DEAF1: variants seen among roughly 807,000 people sequenced by gnomAD.
DEAF1 encodes deformed epidermal autoregulatory factor 1 homolog.
DEAF1 carries 53 observed loss-of-function variants against 58.9 expected under a neutral mutation model. That is an observed-to-expected ratio of 0.90 (90% CI 0.72 to 1.13). The LOEUF (loss-of-function observed/expected upper bound fraction) is 1.13. DEAF1 is among the 50% of genes most tolerant of loss of function. The pLI is 0.00. For synonymous variants in DEAF1, 385 were observed against 340.4 expected, an observed-to-expected ratio of 1.13 and a Z score of -1.44; for missense variants, 685 against 791.4, an observed-to-expected ratio of 0.87 and a Z score of 1.61.
intron 6 of DEAF1, among the ~76,000 whole-genome samples, chr11:682,624 G>GC (rs767217539): frequency 5.3e-5 from 8 of 152,206 alleles, no homozygotes; most frequent in Non-Finnish European, 8.8e-5. Context: ...CAGGAACAGT[G>GC]CCTGAGTCTA....
At chr11:656,424 C>T (rs928325654) in intron 10 of DEAF1, among the ~76,000 whole-genome samples, 1 of 152,246 alleles carries the variant, frequency 6.6e-6, no homozygotes, top group African/African-American at 2.4e-5. Flanking sequence ...TCCCAAAATG[C>T]TGGGATTACA....
At chr11:700,006 G>A (rs1861371161), upstream of DEAF1, 3 of 661,042 alleles carry the variant, frequency 4.5e-6, no homozygotes, top group Non-Finnish European at 8.0e-6. Context: ...GATAGGCAGT[G>A]AGCCATTGCC....
chr11:705,290 TCAC>T (rs1861664325), intron 1 of DEAF1: 1 of 158,284 alleles, frequency 6.3e-6, no homozygotes, highest in Admixed American at 6.0e-5. Context: ...CTGTGCCCCT[TCAC>T]CTCGTCCTCG....
At chr11:683,194 A>G (rs1015705425) in intron 6 of DEAF1, among the ~76,000 whole-genome samples, 4 of 152,222 alleles carry the variant, frequency 2.6e-5, no homozygotes, top group Non-Finnish European at 5.9e-5. Context: ...CCACTCCCCA[A>G]GCGGAAGCCA....
intron 10 of DEAF1, among the ~76,000 whole-genome samples, chr11:663,173 A>G (rs1859387951): frequency 6.6e-6 from 1 of 152,202 alleles, no homozygotes; most frequent in South Asian, 2.1e-4. Context: ...CTAGTTGAGC[A>G]TGGTGGCTTA....
upstream of DEAF1, chr11:695,452 A>T: frequency 1.9e-6 from 1 of 517,678 alleles, no homozygotes; most frequent in Non-Finnish European, 3.0e-6. Context: ...CCCGGCCGAC[A>T]GGGCTGGACG....
intron 11 of DEAF1, among the ~76,000 whole-genome samples, chr11:649,639 A>G (rs7484077): frequency 0.31 from 46,690 of 150,878 alleles, 8,657 homozygotes; most frequent in African/African-American, 0.53. Context: ...AGAATCCCTT[A>G]AACCCAGGAG....
At chr11:671,840 AAAAAAAAAAG>A (rs1237622943) in intron 10 of DEAF1, among the ~76,000 whole-genome samples, 2 of 132,900 alleles carry the variant, frequency 1.5e-5, no homozygotes, top group African/African-American at 2.8e-5. Flanking sequence ...AAAAAAAAAA[AAAAAAAAAAG>A]AAACACAAAA....
In DEAF1 at chr11:644,748, C is replaced by G. The variant is rs79177795; in HGVS notation, c.1594-94G>C. On this transcript the variant is annotated intron_variant, in intron 11 of 11. Coordinates refer to ENST00000382409, the MANE Select transcript of DEAF1 (RefSeq NM_021008.4). The surrounding 1 kb of genome is among the most constrained non-coding windows in gnomAD (Gnocchi z 4.3). ...GGCAGACCCCAGAGGGTGCAGCCCT[C>G]TGTAACCTCACCTGGAGGTGCTGAG... The G allele has an allele frequency of 0.092, 90,234 of 983,436 alleles. 4,881 individuals carry two copies. The highest frequency in any genetic ancestry group is 0.2 in the Admixed American group (10,128 of 50,316). The allele number at this position is 983,436 out of a possible 1,614,324, so 60.9% of individuals were successfully genotyped here.
intron 10 of DEAF1, among the ~76,000 whole-genome samples, chr11:671,744 G>A (rs539354097): frequency 2.0e-5 from 3 of 148,204 alleles, no homozygotes; most frequent in South Asian, 4.2e-4. Flanking sequence ...TTAGGCAAGC[G>A]TGGTGGCATG....
intron 1 of DEAF1, chr11:703,018 CCT>C (rs1206009683): frequency 1.9e-6 from 3 of 1,612,608 alleles, no homozygotes; most frequent in African/African-American, 1.3e-5. Flanking sequence ...GCACCGCCCT[CCT>C]CTCTGCCCAC....
chr11:691,491 A>G lies in DEAF1; in HGVS notation c.387+10T>C, dbSNP rs1220796082. On this transcript the variant is annotated intron_variant, in intron 2 of 11. Transcript: ENST00000382409. Reference sequence around the variant, plus strand: ...ACCCGCCCTGGGCTGTGCCCCTCGGAGCAGCTTACCAGAACATGTCCTGAG... The same window carrying G: ...ACCCGCCCTGGGCTGTGCCCCTCGGGGCAGCTTACCAGAACATGTCCTGAG... The G allele has an allele frequency of 1.2e-6, 2 of 1,611,130 alleles. No individual in the cohort carries two copies. The highest frequency in any genetic ancestry group is 1.1e-5 in the South Asian group (1 of 91,062).
intron 10 of DEAF1, among the ~76,000 whole-genome samples, chr11:664,252 C>G (rs539358025): frequency 7.6e-4 from 116 of 151,740 alleles, no homozygotes; most frequent in African/African-American, 2.7e-3. Context: ...AAAAAGTTCA[C>G]TTTTGTAGCC....
At chr11:653,287 A>G (rs1294369456) in intron 11 of DEAF1, among the ~76,000 whole-genome samples, 1 of 145,168 alleles carries the variant, frequency 6.9e-6, no homozygotes, top group African/African-American at 2.6e-5. Flanking sequence ...AGGGCTCAAT[A>G]ATAGAGGAAC....
chr11:699,951 G>C (rs931698107), upstream of DEAF1: 1 of 567,694 alleles, frequency 1.8e-6, no homozygotes, highest in African/African-American at 1.9e-5. Flanking sequence ...GGCCTTGTCA[G>C]CTCATGGGAC....
chr11:687,788 G>A lies in DEAF1; in HGVS notation c.664+123C>T, dbSNP rs370527244. 60 of 1,348,256 alleles carry A rather than the reference G, an allele frequency of 4.5e-5. 1 individual carries two copies. Among genetic ancestry groups the A allele is most frequent in the African/African-American group, 2.6e-4 (18 of 69,530 alleles). 83.5% of individuals were successfully genotyped at this position (1,348,256 alleles called of 1,614,324 possible). On this transcript the variant is annotated intron_variant, in intron 4 of 11. Transcript: ENST00000382409. The stretch of plus-strand genomic sequence containing the variant: ...TGGTATTACAGGCATCAGCCACCGC[G>A]CCCAGCCCTGTCTTCTTAACTAGTT...
intron 2 of DEAF1, among the ~76,000 whole-genome samples, chr11:691,248 G>A (rs1215785868): frequency 6.6e-6 from 1 of 152,228 alleles, no homozygotes; most frequent in Non-Finnish European, 1.5e-5. Context: ...CCTGCCCAAC[G>A]CAGGCCACAA....
chr11:688,285 C>G lies in DEAF1; in HGVS notation c.517+46G>C. 2.5e-6 allele frequency: 4 copies of G among 1,602,546 alleles called. No individual in the cohort carries two copies. The highest frequency in any genetic ancestry group is 3.4e-6 in the Non-Finnish European group (4 of 1,174,614). ...ATCCCTGAAATAAATTCTAGCTATT[C>G]TGAAACGTGTTTTGCCCGAGGCCTG... On this transcript the variant is annotated intron_variant, in intron 3 of 11. Transcript: ENST00000382409. The surrounding 1 kb of genome is among the most constrained non-coding windows in gnomAD (Gnocchi z 4.3).
intron 1 of DEAF1, chr11:701,093 G>C (rs1333728546): frequency 1.3e-5 from 3 of 238,312 alleles, no homozygotes; most frequent in Non-Finnish European, 2.5e-5. Flanking sequence ...GTTCTGCCAG[G>C]TCCCAAAAGG....
Sources: allele counts gnomAD v4.1 joint callset (sites outside exome capture counted in the v4.1 genomes callset), GRCh38; gene constraint gnomAD v4.1.1; non-coding constraint Gnocchi (gnomAD v3.1); transcripts MANE v1.5; gene names NCBI Gene and HGNC (gene_info 2026-07-23, HGNC 2026-07-21).